Variants in EPAS1 observed in about 807,000 individuals in gnomAD.
The protein encoded by EPAS1 is endothelial PAS domain-containing protein 1.
A neutral mutation model predicts 87.9 loss-of-function variants in EPAS1; 23 were observed. The observed-to-expected ratio is 0.26, with a 90% CI of 0.19 to 0.37. The LOEUF (loss-of-function observed/expected upper bound fraction) is 0.37, where lower values mean the gene tolerates loss of function less well. EPAS1 is among the 10% of genes least tolerant of loss of function. The probability of loss-of-function intolerance (pLI) is 1.00; values close to 1 mark genes in which losing one functional copy is unlikely to be tolerated. For missense variants in EPAS1, 1,138 were observed against 1,120.7 expected, an observed-to-expected ratio of 1.02 and a Z score of -0.22; for synonymous variants, 508 against 444.3, an observed-to-expected ratio of 1.14 and a Z score of -1.80.
Position 46,382,493 on chromosome 2 carries a change from C to A in EPAS1, c.2356C>A (p.Pro786Thr). 6.2e-7 allele frequency: 1 copy of A among 1,614,184 alleles called. No individual in the cohort carries two copies. Among genetic ancestry groups the A allele is most frequent in the Non-Finnish European group, 8.5e-7 (1 of 1,180,042 alleles). The part of the protein sequence containing the change: ...PLRHLPLPQP[P>T]SAISPGENSK... ...GAGACATCTGCCGCTGCCACAGCCT[C>A]CATCTGCCATCAGTCCCGGGGAGAA... The change falls in exon 15 of 16, where the codon CCA (proline) becomes ACA (threonine). Residue 786 changes from proline (P) to threonine (T), a missense_variant. Pro to Thr is a conservative substitution (Grantham distance 38). Coordinates refer to ENST00000263734, the MANE Select transcript of EPAS1 (RefSeq NM_001430.5).
At chr2:46,332,419 C>T (rs1475514305) in intron 1 of EPAS1, among the ~76,000 whole-genome samples, 1 of 151,800 alleles carries the variant, frequency 6.6e-6, no homozygotes, top group Non-Finnish European at 1.5e-5. Flanking sequence ...GCAGAAATCA[C>T]TGACGGGACC....
Position 46,382,459 on chromosome 2 carries a change from C to T in EPAS1, c.2322C>T (p.Gly774=), listed in dbSNP as rs2103678023. The T allele has an allele frequency of 6.2e-7, 1 of 1,614,166 alleles. No individual in the cohort carries two copies. Among genetic ancestry groups the T allele is most frequent in the Non-Finnish European group, 8.5e-7 (1 of 1,180,040 alleles). ...KFTQNPMRGL[G]HPLRHLPLPQ... ...CCCAAAACCCCATGAGGGGCCTGGG[C>T]CATCCCCTGAGACATCTGCCGCTGC... Residue 774 remains glycine, a synonymous_variant, in exon 15 of 16, where the codon GGC becomes GGT. Coordinates refer to ENST00000263734, the MANE Select transcript of EPAS1 (RefSeq NM_001430.5).
chr2:46,369,322 C>T (rs928469851), intron 6 of EPAS1, among the ~76,000 whole-genome samples: 1 of 152,172 alleles, frequency 6.6e-6, no homozygotes, highest in African/African-American at 2.4e-5. Context: ...ACAAAGGTGG[C>T]TCTACCTGGG....
chr2:46,358,060 G>A (rs566312961), intron 4 of EPAS1, among the ~76,000 whole-genome samples: 2 of 152,358 alleles, frequency 1.3e-5, no homozygotes, highest in African/African-American at 4.8e-5. Context: ...TGGGGCTTGT[G>A]CTTGTCCAGC....
At chr2:46,381,469 C>CT (rs1490831360) in intron 12 of EPAS1, 127 bp from the exon 13 acceptor site, 2 of 1,478,788 alleles carry the variant, frequency 1.4e-6, no homozygotes, top group Admixed American at 3.4e-5. Flanking sequence ...CTCTGAGACT[C>CT]TGCCTTTTGG....
intron 7 of EPAS1, among the ~76,000 whole-genome samples, chr2:46,374,824 T>C (rs1434948331): frequency 2.6e-5 from 4 of 152,204 alleles, no homozygotes; most frequent in Non-Finnish European, 2.9e-5. Flanking sequence ...CAGTCTGTGA[T>C]GTGAAACCCT....
At chr2:46,306,464 A>T (rs1488542434) in intron 1 of EPAS1, among the ~76,000 whole-genome samples, 3 of 152,224 alleles carry the variant, frequency 2.0e-5, no homozygotes, top group African/African-American at 7.2e-5. Context: ...TCCAGTTACA[A>T]GGTAATGAGC....
intron 1 of EPAS1, among the ~76,000 whole-genome samples, chr2:46,334,043 C>T (rs1381666685): frequency 6.6e-6 from 1 of 152,148 alleles, no homozygotes; most frequent in Non-Finnish European, 1.5e-5. Flanking sequence ...AGCTGAGGCT[C>T]CAGCCTGTGG....
intron 1 of EPAS1, among the ~76,000 whole-genome samples, chr2:46,325,004 G>T (rs1319026829): frequency 6.6e-6 from 1 of 152,236 alleles, no homozygotes; most frequent in Non-Finnish European, 1.5e-5. Context: ...ATGTTGTGTA[G>T]CTCTTAACAT....
chr2:46,333,925 A>G (rs1437974692), intron 1 of EPAS1, among the ~76,000 whole-genome samples: 1 of 152,132 alleles, frequency 6.6e-6, no homozygotes, highest in Non-Finnish European at 1.5e-5. Context: ...AAACACCACC[A>G]GAGCCAGAGG....
rs1440678032 is a variant in EPAS1 at position 46,369,821 on chromosome 2, A to C, written c.780-6A>C. The C allele has an allele frequency of 6.2e-7, 1 of 1,609,720 alleles. No homozygotes were observed. The highest frequency in any genetic ancestry group is 1.7e-5 in the Admixed American group (1 of 59,708). Reference sequence around the variant, plus strand: ...TTCCTTACATGCTGCCTTTTTAAAAACTCAGAATCACAGAACTGATTGGTT... The same window carrying C: ...TTCCTTACATGCTGCCTTTTTAAAACCTCAGAATCACAGAACTGATTGGTT... On this transcript the variant is annotated splice_polypyrimidine_tract_variant and splice_region_variant and intron_variant, in intron 6 of 15. Transcript: ENST00000263734.
Position 46,361,037 on chromosome 2 carries a change from G to A in EPAS1, c.726G>A (p.Lys242=). The A allele has an allele frequency of 6.2e-7, 1 of 1,614,156 alleles. No individual in the cohort carries two copies. The highest frequency in any genetic ancestry group is 8.5e-7 in the Non-Finnish European group (1 of 1,180,038). Residue 242 remains lysine (K), a synonymous_variant, in exon 6 of 16, where the codon AAG becomes AAA. Coordinates refer to ENST00000263734, the MANE Select transcript of EPAS1 (RefSeq NM_001430.5). ...PSHMDIPLDS[K]TFLSRHSMDM... is the part of the protein sequence containing the mutation. ...ACATGGACATCCCCCTGGATAGCAA[G>A]ACCTTCCTGAGCCGCCACAGCATGG... is the stretch of plus-strand genomic sequence containing the variant.
chr2:46,372,941 G>T (rs1434612174), intron 7 of EPAS1, among the ~76,000 whole-genome samples: 1 of 152,216 alleles, frequency 6.6e-6, no homozygotes, highest in Middle Eastern at 3.2e-3. Context: ...GAGGACAAAA[G>T]TTATTTCCTT....
intron 1 of EPAS1, among the ~76,000 whole-genome samples, chr2:46,309,945 C>T (rs1194884740): frequency 1.3e-5 from 2 of 152,204 alleles, no homozygotes; most frequent in Non-Finnish European, 2.9e-5. Flanking sequence ...CTAGTGTGAG[C>T]ATCAAGTGGG....
At chr2:46,381,400 C>T in intron 12 of EPAS1, 196 bp from the exon 13 acceptor site, 1 of 795,038 alleles carries the variant, frequency 1.3e-6, no homozygotes, top group Non-Finnish European at 2.1e-6. Flanking sequence ...AGCCCTTCAG[C>T]ATCTTATAGC....
intron 2 of EPAS1, among the ~76,000 whole-genome samples, chr2:46,351,395 G>A (rs1011129416): frequency 6.6e-6 from 1 of 152,142 alleles, no homozygotes; most frequent in Non-Finnish European, 1.5e-5. Context: ...GGACTCTCAG[G>A]GAGCCCAGGA....
chr2:46,305,923 A>G (rs978364524), intron 1 of EPAS1, among the ~76,000 whole-genome samples: 6 of 152,218 alleles, frequency 3.9e-5, no homozygotes, highest in Admixed American at 1.3e-4. Flanking sequence ...CAGGGGGTAC[A>G]GCCAATAGTA....
intron 1 of EPAS1, among the ~76,000 whole-genome samples, chr2:46,339,820 T>C (rs2104865681): frequency 6.6e-6 from 1 of 152,316 alleles, no homozygotes; most frequent in South Asian, 2.1e-4. Context: ...CACTTTCTGG[T>C]TCATAGCTGT....
intron 2 of EPAS1, among the ~76,000 whole-genome samples, chr2:46,354,518 C>T (rs1178594423): frequency 6.6e-6 from 1 of 150,816 alleles, no homozygotes; most frequent in Non-Finnish European, 1.5e-5. Flanking sequence ...TGGTCTGGGA[C>T]AAGAGCCGAG....
Sources: allele counts gnomAD v4.1 joint callset (sites outside exome capture counted in the v4.1 genomes callset), GRCh38; gene constraint gnomAD v4.1.1; transcripts MANE v1.5; gene names NCBI Gene and HGNC (gene_info 2026-07-23, HGNC 2026-07-21).